Variants in MAPRE3 observed in about 807,000 individuals in gnomAD.
The protein encoded by MAPRE3 is microtubule associated protein RP/EB family member 3, also known as microtubule-associated protein RP/EB family member 3.
MAPRE3 carries 2 observed loss-of-function variants against 30.5 expected under a neutral mutation model. The observed-to-expected ratio is 0.07, with a 90% CI of 0.03 to 0.21. MAPRE3 has a LOEUF of 0.21. MAPRE3 is among the 10% of genes least tolerant of loss of function. The pLI is 1.00. For synonymous variants in MAPRE3, 110 were observed against 127.7 expected (o/e 0.86, Z 0.93); for missense variants, 204 against 351.8 (o/e 0.58, Z 3.36).
rs1440044 is a variant in MAPRE3 at position 27,004,086 on chromosome 2, A to C, written c.-7-18126A>C. 3.9e-5 allele frequency among the ~76,000 whole-genome samples: 6 copies of C among 152,072 alleles called. 1 individual carries two copies. The highest frequency in any genetic ancestry group is 1.4e-4 in the African/African-American group (6 of 41,418). ...CTCTGTGCCCACGAGCCATACACATAATGATGTCCAAAAAGCGCTTCTATT... is the reference window on the plus strand; with the variant it reads ...CTCTGTGCCCACGAGCCATACACATCATGATGTCCAAAAAGCGCTTCTATT... On this transcript the variant is annotated intron_variant, in intron 1 of 6. Coordinates refer to ENST00000233121, the MANE Select transcript of MAPRE3 (RefSeq NM_012326.4).
chr2:27,020,067 C>G (rs10207573), intron 1 of MAPRE3, among the ~76,000 whole-genome samples: 135,834 of 152,240 alleles, frequency 0.89, 60,724 homozygotes, highest in South Asian at 0.97. Flanking sequence ...TATAGTCCCA[C>G]TGCGCAGGTC....
Position 27,023,576 on chromosome 2 carries a change from G to A in MAPRE3, c.267+99G>A, listed in dbSNP as rs766553708. On this transcript the variant is annotated intron_variant, in intron 3 of 6. Coordinates refer to ENST00000233121, the MANE Select transcript of MAPRE3 (RefSeq NM_012326.4). ...CAACTGGGGCTGCTGGGGTCATTCC[G>A]GTGCTCGTGCCTCCCTCCACCTCCC... 52 of 1,466,046 alleles carry A rather than the reference G, an allele frequency of 3.5e-5. No homozygotes were observed. In the African/African-American group the frequency reaches 4.0e-4, roughly 11 times the overall value. The allele number at this position is 1,466,046 out of a possible 1,614,324, so 90.8% of individuals were successfully genotyped here. A position where few individuals can be genotyped will look rare whatever the true frequency, so the allele number is the denominator to read the frequency against.
intron 1 of MAPRE3, among the ~76,000 whole-genome samples, chr2:27,016,739 G>A (rs1183265202): frequency 6.6e-6 from 1 of 152,130 alleles, no homozygotes; most frequent in African/African-American, 2.4e-5. Flanking sequence ...CTGATGCTTG[G>A]GCAAATACTT....
At chr2:26,974,884 T>C (rs1300086682) in intron 1 of MAPRE3, among the ~76,000 whole-genome samples, 1 of 152,200 alleles carries the variant, frequency 6.6e-6, no homozygotes, top group Non-Finnish European at 1.5e-5. Flanking sequence ...TAGCAAATAA[T>C]GGTTTCAAAA....
At chr2:27,006,470 A>T (rs1409506875) in intron 1 of MAPRE3, among the ~76,000 whole-genome samples, 1 of 152,222 alleles carries the variant, frequency 6.6e-6, no homozygotes, top group Non-Finnish European at 1.5e-5. Context: ...TCACTCTGTC[A>T]CTAAGGCTGG....
chr2:26,989,327 GC>G (rs1266810681), intron 1 of MAPRE3, among the ~76,000 whole-genome samples: 1 of 152,202 alleles, frequency 6.6e-6, no homozygotes, highest in African/African-American at 2.4e-5. Flanking sequence ...CTCTGCATGA[GC>G]TGGGTGCTGT....
intron 3 of MAPRE3, 189 bp from the exon 4 acceptor site, chr2:27,023,907 T>C: frequency 1.7e-6 from 1 of 582,140 alleles, no homozygotes; most frequent in East Asian, 2.9e-5. Flanking sequence ...AAGGGATGCC[T>C]CTGGATCTGA....
chr2:27,023,236 G>A (rs1572774393), intron 2 of MAPRE3, 96 bp from the exon 3 acceptor site: 1 of 1,370,962 alleles, frequency 7.3e-7, no homozygotes, highest in East Asian at 2.4e-5. Flanking sequence ...CCCAGAACAA[G>A]GAGAGAGAAG....
intron 1 of MAPRE3, among the ~76,000 whole-genome samples, chr2:27,005,096 G>T (rs1666696384): frequency 6.6e-6 from 1 of 152,110 alleles, no homozygotes; most frequent in South Asian, 2.1e-4. Context: ...AAAATGAAAG[G>T]TACAGCCTTT....
intron 1 of MAPRE3, among the ~76,000 whole-genome samples, chr2:26,975,333 A>G (rs981744173): frequency 1.3e-5 from 2 of 152,216 alleles, no homozygotes; most frequent in Admixed American, 6.5e-5. Flanking sequence ...CGTGAGATCC[A>G]GGGGGCAAGG....
At chr2:26,996,849 T>C (rs1390726854) in intron 1 of MAPRE3, 1 of 151,798 alleles carries the variant, frequency 6.6e-6, no homozygotes, top group Non-Finnish European at 1.5e-5. Context: ...AATAAACCCT[T>C]CACCTGAGGA....
At chr2:27,008,024 T>C (rs1666768943) in intron 1 of MAPRE3, among the ~76,000 whole-genome samples, 2 of 152,232 alleles carry the variant, frequency 1.3e-5, no homozygotes, top group Non-Finnish European at 2.9e-5. Context: ...TCAGTCCTTC[T>C]TTAGCTCTGG....
Position 27,023,432 on chromosome 2 carries a change from C to T in MAPRE3, c.222C>T (p.Asn74=). The change falls in exon 3 of 7, where the codon AAC becomes AAT. Residue 74 remains asparagine, a synonymous_variant. Transcript: ENST00000233121. ...AACTAGAGCACGAATACATCCACAA[C>T]TTCAAGGTGCTGCAAGCAGCTTTCA... The part of the protein sequence containing the change: ...QAKLEHEYIH[N]FKVLQAAFKK... 2 of 1,614,202 alleles carry T rather than the reference C, an allele frequency of 1.2e-6. No homozygotes were observed. The highest frequency in any genetic ancestry group is 1.7e-6 in the Non-Finnish European group (2 of 1,180,036).
In MAPRE3 at chr2:27,026,342, G is replaced by C. The variant is rs149721958; in HGVS notation, c.840G>C (p.Glu280Asp). 3 of 1,613,704 alleles carry C rather than the reference G, an allele frequency of 1.9e-6. No individual in the cohort carries two copies. The highest frequency in any genetic ancestry group is 2.5e-6 in the Non-Finnish European group (3 of 1,179,810). The change falls in exon 7 of 7, where the codon GAG becomes GAC. Residue 280 changes from glutamate to aspartate, a missense_variant. This residue lies in a region of MAPRE3 where 26 missense variants were observed against 25.6 expected (regional missense o/e 1.02). Transcript: ENST00000233121. ...IEEHQQEDQD[E>D]Y ...AGCATCAACAAGAAGACCAGGACGA[G>C]TACTGAGGGCGGCCGCAGCCCTGGC...
intron 1 of MAPRE3, 149 bp from the exon 2 acceptor site, chr2:27,022,063 A>T (rs780954608): frequency 4.8e-6 from 4 of 831,690 alleles, no homozygotes; most frequent in Non-Finnish European, 7.6e-6. Context: ...ATGTCTAAGG[A>T]ATAAAGACCC....
chr2:26,977,549 G>GC (rs1157836629), intron 1 of MAPRE3, among the ~76,000 whole-genome samples: 3 of 152,126 alleles, frequency 2.0e-5, no homozygotes, highest in African/African-American at 7.2e-5. Context: ...CTCTGCCCAG[G>GC]CCCACTACAG....
In MAPRE3 at chr2:26,974,240, G is replaced by A. The variant is rs555742810; in HGVS notation, c.-8+3438G>A. Among the ~76,000 whole-genome samples, 45 of 152,276 alleles carry A rather than the reference G, an allele frequency of 3.0e-4. No homozygotes were observed. The South Asian group carries it at 6.6e-3, about 22-fold the overall frequency. On this transcript the variant is annotated intron_variant, in intron 1 of 6. Coordinates refer to ENST00000233121, the MANE Select transcript of MAPRE3 (RefSeq NM_012326.4). ...TTTAATAAAAATAATTTAGTAGTCC[G>A]TAATTAGCCCTGTAGGCAAGGGCTT...
intron 1 of MAPRE3, among the ~76,000 whole-genome samples, chr2:27,019,496 G>A (rs1183033721): frequency 1.3e-5 from 2 of 152,206 alleles, no homozygotes. Context: ...TGACAGGCCT[G>A]GATACCCCAC....
chr2:26,976,897 G>T (rs1572740760), intron 1 of MAPRE3, among the ~76,000 whole-genome samples: 2 of 152,252 alleles, frequency 1.3e-5, no homozygotes, highest in South Asian at 4.2e-4. Flanking sequence ...GAAAATCAGA[G>T]GTGTGTACAG....
Sources: allele counts gnomAD v4.1 joint callset (sites outside exome capture counted in the v4.1 genomes callset), GRCh38; gene constraint gnomAD v4.1.1; regional missense constraint gnomAD v4.1.1; transcripts MANE v1.5; gene names NCBI Gene and HGNC (gene_info 2026-07-23, HGNC 2026-07-21).